Variants in LMLN observed in about 807,000 individuals in gnomAD.
The protein encoded by LMLN is leishmanolysin-like peptidase.
In LMLN, 70 loss-of-function variants were observed where a neutral mutation model predicts 92.3. That is an observed-to-expected ratio of 0.76 (90% CI 0.63 to 0.92). The LOEUF (loss-of-function observed/expected upper bound fraction) is 0.92. Ranked by LOEUF, LMLN falls within the 40% of genes least tolerant of loss-of-function variation. The pLI, the probability that LMLN is intolerant of heterozygous loss-of-function variation, is 0.00. For missense variants in LMLN, 691 were observed against 814.6 expected (o/e 0.85, Z 1.85); for synonymous variants, 308 against 296.2 (o/e 1.04, Z -0.41).
intron 10 of LMLN, among the ~76,000 whole-genome samples, chr3:197,996,861 C>G (rs1722033678): frequency 6.6e-6 from 1 of 152,094 alleles, no homozygotes; most frequent in Non-Finnish European, 1.5e-5. Flanking sequence ...CACACTACAG[C>G]CTCGAATTCT....
rs7374380 is a variant in LMLN at position 197,980,051 on chromosome 3, G to A, written c.550-275G>A. On this transcript the variant is annotated intron_variant, in intron 5 of 15. Coordinates refer to ENST00000330198, the Ensembl canonical transcript of LMLN. The stretch of plus-strand genomic sequence containing the variant: ...CCTTTTATATTTCTGTCTTTTCAGC[G>A]TCCTGTTTGGTTGGCCTTCCTTTGT... Among the ~76,000 whole-genome samples the A allele has an allele frequency of 0.37, 56,559 of 151,924 alleles. 14,818 individuals carry two copies. Among genetic ancestry groups the A allele is most frequent in the African/African-American group, 0.75 (31,143 of 41,424 alleles).
At chr3:197,974,504 T>G in intron 2 of LMLN, 30 bp downstream of exon 2, 1 of 1,087,106 alleles carries the variant, frequency 9.2e-7, no homozygotes. Context: ...GTCATCTTTT[T>G]CATTATTAAT....
chr3:198,007,958 T>C (rs1581164085), intron 11 of LMLN, among the ~76,000 whole-genome samples: 1 of 152,228 alleles, frequency 6.6e-6, no homozygotes, highest in Admixed American at 6.5e-5. Flanking sequence ...TTGCCTTCTG[T>C]CAAATGCTCT....
At chr3:197,972,751 C>T (rs554295818) in intron 1 of LMLN, among the ~76,000 whole-genome samples, 1 of 151,716 alleles carries the variant, frequency 6.6e-6, no homozygotes, top group Non-Finnish European at 1.5e-5. Context: ...TTCAAAATTC[C>T]AAACTCTTAT....
At chr3:198,040,245 T>A (rs951950865) in exon 16 of LMLN, 8 of 152,222 alleles carry the variant, frequency 5.3e-5, no homozygotes, top group Non-Finnish European at 1.2e-4. Flanking sequence ...TAAGTAAGAC[T>A]CAGTCCACAG....
intron 1 of LMLN, among the ~76,000 whole-genome samples, chr3:197,961,538 A>G (rs1038145732): frequency 6.6e-6 from 1 of 152,142 alleles, no homozygotes; most frequent in Non-Finnish European, 1.5e-5. Context: ...AAAATTTCCC[A>G]CAAAACCCTG....
In LMLN at chr3:198,025,297, G is replaced by A. The variant is rs1032373792; in HGVS notation, c.1656+509G>A. ...AAAATAAAGGAAAAAGAATAAATCAGTTGCTGATTAATAATAGAGTGTTTT... is the reference window on the plus strand; with the variant it reads ...AAAATAAAGGAAAAAGAATAAATCAATTGCTGATTAATAATAGAGTGTTTT... On this transcript the variant is annotated intron_variant, in intron 14 of 15. Transcript: ENST00000330198. The surrounding 1 kb of genome is among the most constrained non-coding windows in gnomAD (Gnocchi z 4.3). 1.1e-4 allele frequency among the ~76,000 whole-genome samples: 15 copies of A among 141,902 alleles called. No homozygotes were observed. The highest frequency in any genetic ancestry group is 3.9e-4 in the African/African-American group (15 of 38,168). The allele number at this position is 141,902 out of a possible 152,430, so 93.1% of individuals were successfully genotyped here. A position where few individuals can be genotyped will look rare whatever the true frequency, so the allele number is the denominator to read the frequency against.
intron 1 of LMLN, among the ~76,000 whole-genome samples, chr3:197,973,244 A>AT (rs11434027): frequency 0.069 from 9,805 of 142,374 alleles, 491 homozygotes; most frequent in African/African-American, 0.15. Flanking sequence ...GACATTTCTG[A>AT]TTTTTTTTTT....
intron 14 of LMLN, among the ~76,000 whole-genome samples, chr3:198,034,302 T>G (rs1190500135): frequency 6.6e-6 from 1 of 152,036 alleles, no homozygotes; most frequent in Non-Finnish European, 1.5e-5. Context: ...AACTTTGAGG[T>G]TTTTTTTAAA....
intron 8 of LMLN, among the ~76,000 whole-genome samples, chr3:197,988,680 A>C (rs1721781943): frequency 6.7e-6 from 1 of 148,474 alleles, no homozygotes; most frequent in African/African-American, 2.5e-5. Flanking sequence ...TTTTATTTTA[A>C]ATTTATTTTA....
chr3:197,960,958 C>A (rs1720855070), intron 1 of LMLN, among the ~76,000 whole-genome samples: 1 of 152,140 alleles, frequency 6.6e-6, no homozygotes, highest in Non-Finnish European at 1.5e-5. Context: ...TTTCTTTTCA[C>A]GTTATGTCGT....
intron 4 of LMLN, 141 bp downstream of exon 4, chr3:197,976,252 A>G: frequency 1.9e-6 from 1 of 533,038 alleles, no homozygotes; most frequent in Non-Finnish European, 3.4e-6. Flanking sequence ...AGGTATTTAA[A>G]AAGAATAAAA....
chr3:198,011,800 T>C (rs182628064), intron 11 of LMLN, among the ~76,000 whole-genome samples: 232 of 152,252 alleles, frequency 1.5e-3, no homozygotes, highest in African/African-American at 5.1e-3. Context: ...TTCCTGACTT[T>C]TTAATGATCG....
At chr3:197,960,408 C>G in exon 1 of LMLN, 1 of 1,613,970 alleles carries the variant, frequency 6.2e-7, no homozygotes, top group Non-Finnish European at 8.5e-7. Context: ...CAGTTCCCCT[C>G]CCTGCCGGCA....
At chr3:197,974,272 T>A (rs1461902758) in intron 1 of LMLN, 105 bp from the exon 2 acceptor site, 3 of 651,074 alleles carry the variant, frequency 4.6e-6, no homozygotes, top group African/African-American at 1.9e-5. Context: ...CAGAACTTTT[T>A]CTCTGGGTAT....
At position 198,042,817 on chromosome 3, in the gene LMLN, A is replaced by G. The variant is rs1723445039; in HGVS notation, c.*4150A>G. The G allele has an allele frequency of 6.6e-6, 1 of 152,248 alleles. No individual in the cohort carries two copies. Among genetic ancestry groups the G allele is most frequent in the Admixed American group, 6.5e-5 (1 of 15,276 alleles). The allele number at this position is 152,248 out of a possible 1,614,324, so 9.4% of individuals were successfully genotyped here. On this transcript the variant is annotated 3_prime_UTR_variant, in exon 16 of 16. Transcript: ENST00000330198. This position sits in a 1 kb window ranked among gnomAD's most constrained non-coding sequence, Gnocchi z 4.2. ...AATTTACAGGAAGGAAGCAAAAGCC[A>G]TGTCAGTAGCCTTGAGCTGACAGCT...
At chr3:197,997,399 G>A (rs1428833995) in intron 10 of LMLN, among the ~76,000 whole-genome samples, 3 of 152,184 alleles carry the variant, frequency 2.0e-5, no homozygotes, top group African/African-American at 7.2e-5. Flanking sequence ...CTCCCAAAGT[G>A]TGGGGTTACG....
In LMLN at chr3:197,978,174, AATC is replaced by A. The variant is rs997872786; in HGVS notation, c.549+1464_549+1466del. Among the ~76,000 whole-genome samples the A allele has an allele frequency of 5.3e-5, 8 of 152,318 alleles. No homozygotes were observed. In the South Asian group the frequency reaches 6.2e-4, roughly 12 times the overall value. ...CACGTTAAATCTGGATACATATAAA[AATC>A]ATCAAACATCTGGAAGTATACACAC... On this transcript the variant is annotated intron_variant, in intron 5 of 15. Transcript: ENST00000330198.
intron 11 of LMLN, 168 bp downstream of exon 11, chr3:197,999,510 C>A (rs1282636783): frequency 1.0e-5 from 6 of 597,148 alleles, no homozygotes; most frequent in Non-Finnish European, 1.5e-5. Flanking sequence ...TCCATTCATT[C>A]ATTCGTTCAT....
Sources: allele counts gnomAD v4.1 joint callset (sites outside exome capture counted in the v4.1 genomes callset), GRCh38; gene constraint gnomAD v4.1.1; non-coding constraint Gnocchi (gnomAD v3.1); transcripts MANE v1.5; gene names NCBI Gene and HGNC (gene_info 2026-07-23, HGNC 2026-07-21).